CYP4F22: variants seen among roughly 807,000 people sequenced by gnomAD.
CYP4F22 encodes the protein cytochrome P450 family 4 subfamily F member 22.
Under a neutral mutation model 60.4 loss-of-function variants are expected in CYP4F22, and 37 were observed. The observed-to-expected ratio is 0.61, with a 90% CI of 0.47 to 0.81. The LOEUF (loss-of-function observed/expected upper bound fraction) is 0.81, where lower values mean the gene tolerates loss of function less well. Among genes scored for constraint, CYP4F22 ranks in the 30% least tolerant of loss-of-function variants. The pLI is 0.00. For synonymous variants in CYP4F22, 258 were observed against 280.5 expected (o/e 0.92, Z 0.80); for missense variants, 655 against 715.0 (o/e 0.92, Z 0.96).
At chr19:15,543,636 C>T (rs994594103) in intron 8 of CYP4F22, among the ~76,000 whole-genome samples, 8 of 152,004 alleles carry the variant, frequency 5.3e-5, no homozygotes, top group Admixed American at 2.6e-4. Flanking sequence ...GCAGGTAGAT[C>T]ACTTGAGGCC....
At chr19:15,513,768 G>T (rs369508067) in intron 1 of CYP4F22, among the ~76,000 whole-genome samples, 237 of 152,306 alleles carry the variant, frequency 1.6e-3, no homozygotes, top group African/African-American at 4.7e-3. Flanking sequence ...CTCCCAAAGT[G>T]CTGGGATTAC....
chr19:15,546,270 C>T (rs937260314), intron 10 of CYP4F22, among the ~76,000 whole-genome samples: 21 of 152,058 alleles, frequency 1.4e-4, no homozygotes, highest in African/African-American at 5.1e-4. Context: ...GCCACTGTGC[C>T]CAGCCATAAA....
chr19:15,513,301 G>A (rs1971113417), intron 1 of CYP4F22, among the ~76,000 whole-genome samples: 1 of 150,402 alleles, frequency 6.6e-6, no homozygotes, highest in Admixed American at 6.7e-5. Context: ...TCAGCCTCCT[G>A]AGTAGCTGGG....
At chr19:15,536,555 C>T (rs544789368) in intron 4 of CYP4F22, among the ~76,000 whole-genome samples, 2 of 152,130 alleles carry the variant, frequency 1.3e-5, no homozygotes, top group Non-Finnish European at 2.9e-5. Flanking sequence ...ATGAGGGACA[C>T]ACTGGAGAGG....
At chr19:15,525,613 T>C (rs1445795491) in intron 3 of CYP4F22, 55 bp downstream of exon 3, 5 of 1,539,038 alleles carry the variant, frequency 3.2e-6, no homozygotes, top group Admixed American at 1.8e-5. Flanking sequence ...TGCAGGGTAA[T>C]AGGTAGGGAT....
At chr19:15,536,178 A>T (rs1379534906) in intron 4 of CYP4F22, among the ~76,000 whole-genome samples, 1 of 152,120 alleles carries the variant, frequency 6.6e-6, no homozygotes, top group East Asian at 1.9e-4. Flanking sequence ...GTCCATACAC[A>T]AAATTAAAAA....
chr19:15,524,120 T>A (rs1971254538), intron 2 of CYP4F22, among the ~76,000 whole-genome samples: 1 of 150,920 alleles, frequency 6.6e-6, no homozygotes. Context: ...TACTCAGCAG[T>A]ACAAGGAATT....
chr19:15,530,547 T>G (rs1172975899), intron 4 of CYP4F22, among the ~76,000 whole-genome samples: 1 of 152,172 alleles, frequency 6.6e-6, no homozygotes, highest in Non-Finnish European at 1.5e-5. Context: ...GTTCTCACGC[T>G]GCTATGAAGG....
intron 13 of CYP4F22, among the ~76,000 whole-genome samples, chr19:15,551,053 C>T (rs1203396587): frequency 3.3e-5 from 5 of 152,090 alleles, no homozygotes; most frequent in Admixed American, 3.3e-4. Flanking sequence ...TCAGAGGGGG[C>T]GCTGTGTATC....
intron 1 of CYP4F22, among the ~76,000 whole-genome samples, chr19:15,511,679 G>A (rs1971093948): frequency 1.3e-5 from 2 of 152,276 alleles, no homozygotes; most frequent in East Asian, 1.9e-4. Context: ...GGGATTTGGG[G>A]TGATGGGGCC....
chr19:15,546,477 G>A (rs1052618765), intron 10 of CYP4F22, among the ~76,000 whole-genome samples: 1 of 152,128 alleles, frequency 6.6e-6, no homozygotes, highest in East Asian at 1.9e-4. Context: ...CCAGCTGCTT[G>A]AGAAGCTGAG....
intron 12 of CYP4F22, 108 bp from the exon 13 acceptor site, chr19:15,550,566 G>A (rs1437310689): frequency 9.3e-7 from 1 of 1,076,182 alleles, no homozygotes; most frequent in Admixed American, 1.7e-5. Flanking sequence ...AGGTGGCCCT[G>A]GGGTGCTCCC....
rs761304848 is a variant in CYP4F22 at position 15,525,430 on chromosome 19, CTCT to C, written c.100_102del (p.Phe34del). Reference sequence around the variant, plus strand: ...GGTGTCCACCCTTCTCCTCTTCCTGCTCTTCTTCCTGTTCCGCCTGCTGCTGCG... The same window carrying C: ...GGTGTCCACCCTTCTCCTCTTCCTGCTCTTCCTGTTCCGCCTGCTGCTGCG... On this transcript the variant is annotated inframe_deletion, in exon 3 of 14. Transcript: ENST00000269703. 10 of 1,614,124 alleles carry C rather than the reference CTCT, an allele frequency of 6.2e-6. No individual in the cohort carries two copies. Among genetic ancestry groups the C allele is most frequent in the South Asian group, 3.3e-5 (3 of 91,094 alleles).
At chr19:15,528,507 G>T (rs1193401060) in intron 3 of CYP4F22, among the ~76,000 whole-genome samples, 1 of 152,152 alleles carries the variant, frequency 6.6e-6, no homozygotes. Flanking sequence ...AAGCTCCCCA[G>T]TGGGACCGAG....
In CYP4F22 at chr19:15,548,000, A is replaced by AGTGTGTGTGT. The variant is rs1346252216; in HGVS notation, c.1137-107_1137-106insTGTGTGTGTG. Reference sequence around the variant, plus strand: ...GAGAGAGAGAGAGAGAGAGAGGGAGAGAGTGTGTGTGTGTGTGTGTGTGTG... The same window carrying AGTGTGTGTGT: ...GAGAGAGAGAGAGAGAGAGAGGGAGAGTGTGTGTGTGAGTGTGTGTGTGTGTGTGTGTGTG... On this transcript the variant is annotated intron_variant, in intron 10 of 13. Coordinates refer to ENST00000269703, the MANE Select transcript of CYP4F22 (RefSeq NM_173483.4). 3 of 291,778 alleles carry AGTGTGTGTGT rather than the reference A, an allele frequency of 1.0e-5. 1 individual carries two copies. The African/African-American group carries it at 1.9e-4, about 19-fold the overall frequency. The allele number at this position is 291,778 out of a possible 1,614,324, so 18.1% of individuals were successfully genotyped here. A position where few individuals can be genotyped will look rare whatever the true frequency, so the allele number is the denominator to read the frequency against.
At chr19:15,530,573 G>A (rs936133529) in intron 4 of CYP4F22, among the ~76,000 whole-genome samples, 10 of 152,186 alleles carry the variant, frequency 6.6e-5, no homozygotes, top group African/African-American at 2.4e-4. Context: ...CCTAGACTGG[G>A]TAATTTATAA....
intron 1 of CYP4F22, chr19:15,516,801 G>A: frequency 1.9e-6 from 1 of 540,476 alleles, no homozygotes; most frequent in Non-Finnish European, 2.9e-6. Context: ...CTCATGAGAG[G>A]TCCATGGGGT....
At chr19:15,527,632 G>T (rs1437617893) in intron 3 of CYP4F22, among the ~76,000 whole-genome samples, 1 of 152,262 alleles carries the variant, frequency 6.6e-6, no homozygotes, top group Non-Finnish European at 1.5e-5. Context: ...GGCCCACGGG[G>T]GCTGGGTGAG....
intron 1 of CYP4F22, among the ~76,000 whole-genome samples, chr19:15,511,714 G>C (rs1000205173): frequency 4.6e-5 from 7 of 152,182 alleles, no homozygotes; most frequent in South Asian, 4.1e-4. Context: ...CTTCCATCAG[G>C]CTCCTGGCTG....
Sources: allele counts gnomAD v4.1 joint callset (sites outside exome capture counted in the v4.1 genomes callset), GRCh38; gene constraint gnomAD v4.1.1; transcripts MANE v1.5; gene names NCBI Gene and HGNC (gene_info 2026-07-23, HGNC 2026-07-21).